CYP7B1: variants seen among roughly 807,000 people sequenced by gnomAD.
The protein encoded by CYP7B1 is cytochrome P450 7B1.
A neutral mutation model predicts 42.7 loss-of-function variants in CYP7B1; 29 were observed. That is an observed-to-expected ratio of 0.68 (90% CI 0.51 to 0.93). CYP7B1 has a LOEUF of 0.93. Ranked by LOEUF, CYP7B1 falls within the 40% of genes least tolerant of loss-of-function variation. CYP7B1 has a pLI of 0.00. For missense variants in CYP7B1, 655 were observed against 600.5 expected (o/e 1.09, Z -0.95); for synonymous variants, 235 against 218.2 (o/e 1.08, Z -0.68).
chr8:64,798,631 C>A lies in CYP7B1; in HGVS notation c.-44G>T. On this transcript the variant is annotated 5_prime_UTR_variant, in exon 1 of 6. Coordinates refer to ENST00000310193, the MANE Select transcript of CYP7B1 (RefSeq NM_004820.5). ...CGGTGGGCAGCCCGGGGTCTGCCTG[C>A]GAACAGCGCGGTCGGCGACTCTGCA... 1.4e-6 allele frequency: 2 copies of A among 1,443,482 alleles called. No individual in the cohort carries two copies. Among genetic ancestry groups the A allele is most frequent in the East Asian group, 3.0e-5 (1 of 33,418 alleles). 89.4% of individuals were successfully genotyped at this position (1,443,482 alleles called of 1,614,324 possible). A position where few individuals can be genotyped will look rare whatever the true frequency, so the allele number is the denominator to read the frequency against.
chr8:64,695,293 T>G (rs1585861405), intron 1 of CYP7B1, among the ~76,000 whole-genome samples: 1 of 152,066 alleles, frequency 6.6e-6, no homozygotes, highest in East Asian at 1.9e-4. Flanking sequence ...AATTACCCTC[T>G]CACCCTGGAA....
At chr8:64,618,648 C>A (rs1297038097) in intron 2 of CYP7B1, among the ~76,000 whole-genome samples, 2 of 151,568 alleles carry the variant, frequency 1.3e-5, no homozygotes, top group Admixed American at 6.6e-5. Context: ...CTCTCCTATC[C>A]CCATCCTCTT....
At chr8:64,796,183 GCTTTCTAAGCAAGGA>G (rs1296388593) in intron 1 of CYP7B1, among the ~76,000 whole-genome samples, 3 of 152,118 alleles carry the variant, frequency 2.0e-5, no homozygotes, top group African/African-American at 7.2e-5. Flanking sequence ...AACAAGAAGG[GCTTTCTAAGCAAGGA>G]CATATATCCA....
chr8:64,632,561 G>C (rs895053624), intron 1 of CYP7B1, among the ~76,000 whole-genome samples: 7 of 152,136 alleles, frequency 4.6e-5, no homozygotes, highest in Admixed American at 4.6e-4. Flanking sequence ...ATTAAGAGTA[G>C]ATCTCATGTT....
chr8:64,786,708 A>T (rs1365391601), intron 1 of CYP7B1, among the ~76,000 whole-genome samples: 1 of 152,152 alleles, frequency 6.6e-6, no homozygotes, highest in Non-Finnish European at 1.5e-5. Flanking sequence ...TCACAATTCC[A>T]ATAGGCAATG....
In CYP7B1 at chr8:64,690,310, G is replaced by A. The variant is rs144445517; in HGVS notation, c.123-65771C>T. On this transcript the variant is annotated intron_variant, in intron 1 of 5. Transcript: ENST00000310193. Reference sequence around the variant, plus strand: ...TCTAGCTACTCAGGAGGATGAAGTAGGAGGATCGATTGACCCTGGGAGGTT... The same window carrying A: ...TCTAGCTACTCAGGAGGATGAAGTAAGAGGATCGATTGACCCTGGGAGGTT... 1.3e-3 allele frequency among the ~76,000 whole-genome samples: 191 copies of A among 152,310 alleles called. 2 individuals carry two copies. Among genetic ancestry groups the A allele is most frequent in the African/African-American group, 4.5e-3 (186 of 41,570 alleles).
At chr8:64,620,298 C>T (rs1057198142) in intron 2 of CYP7B1, among the ~76,000 whole-genome samples, 14 of 152,062 alleles carry the variant, frequency 9.2e-5, no homozygotes, top group African/African-American at 3.1e-4. Context: ...CTGAAAATAT[C>T]GGTTGGAAGA....
intron 1 of CYP7B1, among the ~76,000 whole-genome samples, chr8:64,797,141 T>G (rs938318242): frequency 6.6e-6 from 1 of 152,222 alleles, no homozygotes; most frequent in African/African-American, 2.4e-5. Context: ...ATTCTCAGAA[T>G]GCTAGAAGAG....
Position 64,762,399 on chromosome 8 carries a change from T to C in CYP7B1, c.122+36067A>G, listed in dbSNP as rs896762447. 5.3e-5 allele frequency among the ~76,000 whole-genome samples: 8 copies of C among 152,334 alleles called. No individual in the cohort carries two copies. In the South Asian group the frequency reaches 8.3e-4, roughly 16 times the overall value. ...CAGGTGTAATAGCCAATATTACTTA[T>C]ATTAACAACTAGCACCCATTTTAAA... On this transcript the variant is annotated intron_variant, in intron 1 of 5. Coordinates refer to ENST00000310193, the MANE Select transcript of CYP7B1 (RefSeq NM_004820.5).
rs1313026774 is a variant in CYP7B1, at chr8:64,593,097, T to C, written c.*3545A>G. On this transcript the variant is annotated 3_prime_UTR_variant, in exon 6 of 6. Coordinates refer to ENST00000310193, the MANE Select transcript of CYP7B1 (RefSeq NM_004820.5). Reference sequence around the variant, plus strand: ...AATAATTTCCTGTGTTCTCTGTGCCTTAACATCACAAAAGTGTACCACTAA... The same window carrying C: ...AATAATTTCCTGTGTTCTCTGTGCCCTAACATCACAAAAGTGTACCACTAA... Among the ~76,000 whole-genome samples, 2 of 152,230 alleles carry C rather than the reference T, an allele frequency of 1.3e-5. No homozygotes were observed. Among genetic ancestry groups the C allele is most frequent in the African/African-American group, 4.8e-5 (2 of 41,450 alleles).
At position 64,590,856 on chromosome 8, in the gene CYP7B1, TTTAAAG is replaced by T. The variant is rs1247605373; in HGVS notation, c.*5780_*5785del. Among the ~76,000 whole-genome samples the T allele has an allele frequency of 2.4e-4, 36 of 152,166 alleles. No homozygotes were observed. On this transcript the variant is annotated 3_prime_UTR_variant, in exon 6 of 6. Coordinates refer to ENST00000310193, the MANE Select transcript of CYP7B1 (RefSeq NM_004820.5). ...AAGAGACATAATCAGTCATCTGTGC[TTTAAAG>T]TTAATTTATTAAATTTTTGTTGTAC...
At chr8:64,642,378 T>C (rs533180346) in intron 1 of CYP7B1, among the ~76,000 whole-genome samples, 2 of 152,118 alleles carry the variant, frequency 1.3e-5, no homozygotes, top group South Asian at 4.2e-4. Context: ...AAGTGTGTCT[T>C]CCTGTTTTAT....
intron 1 of CYP7B1, among the ~76,000 whole-genome samples, chr8:64,752,917 A>C (rs1447988216): frequency 6.6e-6 from 1 of 152,208 alleles, no homozygotes; most frequent in African/African-American, 2.4e-5. Context: ...GTAATTTACT[A>C]TTCATATACT....
chr8:64,770,057 G>A (rs1459236469), intron 1 of CYP7B1, among the ~76,000 whole-genome samples: 8 of 152,084 alleles, frequency 5.3e-5, no homozygotes, highest in African/African-American at 1.9e-4. Context: ...GGACGCATGT[G>A]TGTGAATGTC....
At chr8:64,668,439 T>C (rs1184757587) in intron 1 of CYP7B1, among the ~76,000 whole-genome samples, 1 of 152,160 alleles carries the variant, frequency 6.6e-6, no homozygotes, top group Non-Finnish European at 1.5e-5. Flanking sequence ...TTTACATATC[T>C]GTTTCCCAGT....
intron 1 of CYP7B1, among the ~76,000 whole-genome samples, chr8:64,780,495 CTTAA>C (rs1408797131): frequency 1.3e-5 from 2 of 151,912 alleles, no homozygotes; most frequent in Non-Finnish European, 2.9e-5. Flanking sequence ...CAATTATAGA[CTTAA>C]TTAATCCTTT....
chr8:64,663,971 A>G (rs2129631488), intron 1 of CYP7B1, among the ~76,000 whole-genome samples: 1 of 152,304 alleles, frequency 6.6e-6, no homozygotes, highest in African/African-American at 2.4e-5. Flanking sequence ...ATGGAGTCTC[A>G]GAGGAAATTT....
At chr8:64,677,712 T>G (rs998986076) in intron 1 of CYP7B1, among the ~76,000 whole-genome samples, 1 of 147,960 alleles carries the variant, frequency 6.8e-6, no homozygotes, top group Non-Finnish European at 1.5e-5. Flanking sequence ...CTTGGTTTTT[T>G]TTTTTTTTTT....
At chr8:64,643,112 T>TATATATAC (rs1272406219) in intron 1 of CYP7B1, among the ~76,000 whole-genome samples, 9 of 132,908 alleles carry the variant, frequency 6.8e-5, no homozygotes, top group South Asian at 5.1e-4. Flanking sequence ...TATATATACA[T>TATATATAC]ATATATACAT....
Sources: allele counts gnomAD v4.1 joint callset (sites outside exome capture counted in the v4.1 genomes callset), GRCh38; gene constraint gnomAD v4.1.1; transcripts MANE v1.5; gene names NCBI Gene and HGNC (gene_info 2026-07-23, HGNC 2026-07-21).